The following RORB variants were observed in gnomAD, a reference collection of about 807,000 sequenced individuals.
RORB encodes nuclear receptor ROR-beta.
In RORB, 6 loss-of-function variants were observed where a neutral mutation model predicts 59.1. The ratio of observed to expected loss-of-function variants is 0.10; its 90% CI spans 0.06 to 0.20. The LOEUF (loss-of-function observed/expected upper bound fraction) is 0.20. RORB is among the 10% of genes least tolerant of loss of function. The pLI, the probability that RORB is intolerant of heterozygous loss-of-function variation, is 1.00. For missense variants in RORB, 320 were observed against 560.5 expected (o/e 0.57, Z 4.33); for synonymous variants, 215 against 204.5 (o/e 1.05, Z -0.44).
At chr9:74,685,226 T>G (rs1056473081) in intron 9 of RORB, among the ~76,000 whole-genome samples, 5 of 149,184 alleles carry the variant, frequency 3.4e-5, no homozygotes, top group Non-Finnish European at 7.4e-5. Flanking sequence ...GAATCAGGGA[T>G]CTTGGTCCTG....
In RORB at chr9:74,687,027, A is replaced by T. The variant is rs1667954168; in HGVS notation, c.*1409A>T. On this transcript the variant is annotated 3_prime_UTR_variant, in exon 10 of 10. Coordinates refer to ENST00000376896, the MANE Select transcript of RORB (RefSeq NM_006914.4). ...TAAAGAATACAACTGTGACATTAGG[A>T]TCAGAGATTTTAGACTTCCTTGTAC... The T allele has an allele frequency of 1.3e-5, 2 of 152,124 alleles. No individual in the cohort carries two copies. The highest frequency in any genetic ancestry group is 4.8e-5 in the African/African-American group (2 of 41,442). The allele number at this position is 152,124 out of a possible 1,614,324, so 9.4% of individuals were successfully genotyped here.
intron 1 of RORB, among the ~76,000 whole-genome samples, chr9:74,532,962 A>T (rs1826270020): frequency 6.6e-6 from 1 of 151,564 alleles, no homozygotes; most frequent in South Asian, 2.1e-4. Flanking sequence ...TCAGATTTTC[A>T]GTTTCTCTTT....
intron 1 of RORB, among the ~76,000 whole-genome samples, chr9:74,574,231 C>T (rs538117115): frequency 7.2e-5 from 11 of 152,226 alleles, no homozygotes; most frequent in Admixed American, 7.2e-4. Flanking sequence ...GATTAGCAAA[C>T]AGATCCAGCC....
chr9:74,555,163 C>G (rs1396244210), intron 1 of RORB, among the ~76,000 whole-genome samples: 1 of 152,194 alleles, frequency 6.6e-6, no homozygotes, highest in Non-Finnish European at 1.5e-5. Flanking sequence ...TGGCTGGCCT[C>G]TTATGTAAGT....
At chr9:74,526,710 G>A (rs1826160982) in intron 1 of RORB, among the ~76,000 whole-genome samples, 1 of 151,884 alleles carries the variant, frequency 6.6e-6, no homozygotes. Context: ...AAATTGTGTA[G>A]TTATAACCAA....
chr9:74,645,694 A>G (rs1050510414), intron 4 of RORB, among the ~76,000 whole-genome samples: 1 of 152,200 alleles, frequency 6.6e-6, no homozygotes, highest in African/African-American at 2.4e-5. Flanking sequence ...AGCAAGTCCT[A>G]TTTAAATTCT....
chr9:74,659,725 A>T lies in RORB; in HGVS notation c.638-892A>T, dbSNP rs556036311. On this transcript the variant is annotated intron_variant, in intron 4 of 9. Transcript: ENST00000376896. ...CTAGCCAGGATGGTCTTGATCTCCC[A>T]CAGCAGGCTTTTTTTAAGGAGAGCT... is the stretch of plus-strand genomic sequence containing the variant. Among the ~76,000 whole-genome samples the T allele has an allele frequency of 2.8e-3, 419 of 151,944 alleles. 2 individuals carry two copies. Among genetic ancestry groups the T allele is most frequent in the African/African-American group, 9.7e-3 (404 of 41,456 alleles).
chr9:74,585,662 T>C (rs1472295844), intron 1 of RORB, among the ~76,000 whole-genome samples: 1 of 152,168 alleles, frequency 6.6e-6, no homozygotes, highest in African/African-American at 2.4e-5. Flanking sequence ...AGTCCCTTTT[T>C]TCTCCGCTAT....
At chr9:74,672,072 G>GAAGGGCTAGTGA (rs1337813426) in intron 9 of RORB, among the ~76,000 whole-genome samples, 171 bp downstream of exon 9, 2 of 152,162 alleles carry the variant, frequency 1.3e-5, no homozygotes, top group East Asian at 1.9e-4. Context: ...AATTGTAATA[G>GAAGGGCTAGTGA]ATTGCAAGAA....
At chr9:74,501,458 C>A (rs1243965985) in intron 1 of RORB, among the ~76,000 whole-genome samples, 1 of 151,982 alleles carries the variant, frequency 6.6e-6, no homozygotes, top group Admixed American at 6.6e-5. Flanking sequence ...ATATTTCTAA[C>A]CAACATTCCA....
intron 1 of RORB, among the ~76,000 whole-genome samples, chr9:74,544,864 T>C (rs1371278894): frequency 6.6e-6 from 1 of 152,110 alleles, no homozygotes; most frequent in African/African-American, 2.4e-5. Flanking sequence ...GGAGTAAACA[T>C]AAACTTTGAA....
intron 1 of RORB, among the ~76,000 whole-genome samples, chr9:74,585,840 A>G (rs113803827): frequency 0.017 from 2,476 of 147,912 alleles, 74 homozygotes; most frequent in African/African-American, 0.059. Flanking sequence ...TGTCGCCCAG[A>G]CTGGAGTGCA....
At chr9:74,519,232 T>C (rs1161756350) in intron 1 of RORB, among the ~76,000 whole-genome samples, 1 of 152,042 alleles carries the variant, frequency 6.6e-6, no homozygotes, top group African/African-American at 2.4e-5. Context: ...CAGATAAATA[T>C]CCTACCTACT....
chr9:74,560,608 A>T (rs1157840841), intron 1 of RORB, among the ~76,000 whole-genome samples: 1 of 152,014 alleles, frequency 6.6e-6, no homozygotes, highest in East Asian at 1.9e-4. Context: ...GTTGGGTTAA[A>T]TTTTAAGGCA....
chr9:74,672,302 G>A (rs748482255), intron 9 of RORB, among the ~76,000 whole-genome samples: 16 of 152,154 alleles, frequency 1.1e-4, no homozygotes, highest in Non-Finnish European at 1.8e-4. Flanking sequence ...AAAAAAGAAA[G>A]AACAATCAAA....
intron 1 of RORB, among the ~76,000 whole-genome samples, chr9:74,595,652 G>A (rs373367765): frequency 1.1e-4 from 16 of 152,194 alleles, no homozygotes; most frequent in Admixed American, 7.8e-4. Context: ...TTGTTTTGCC[G>A]GTTTACCACT....
chr9:74,622,428 G>A (rs1185869491), intron 1 of RORB, among the ~76,000 whole-genome samples: 1 of 151,736 alleles, frequency 6.6e-6, no homozygotes, highest in Non-Finnish European at 1.5e-5. Flanking sequence ...GATCCTGAGG[G>A]GTAAATTATA....
chr9:74,681,444 A>G (rs973067447), intron 9 of RORB, among the ~76,000 whole-genome samples: 1 of 152,192 alleles, frequency 6.6e-6, no homozygotes, highest in Non-Finnish European at 1.5e-5. Flanking sequence ...GGTGTCTTGC[A>G]GTCAGCCTAT....
At chr9:74,602,042 G>T (rs1306309438) in intron 1 of RORB, among the ~76,000 whole-genome samples, 5 of 152,132 alleles carry the variant, frequency 3.3e-5, no homozygotes, top group African/African-American at 1.2e-4. Context: ...CCATCATGCT[G>T]AGCCAGGGGC....
Sources: allele counts gnomAD v4.1 joint callset (sites outside exome capture counted in the v4.1 genomes callset), GRCh38; gene constraint gnomAD v4.1.1; transcripts MANE v1.5; gene names NCBI Gene and HGNC (gene_info 2026-07-23, HGNC 2026-07-21).